The following NMI variants were observed in gnomAD, a reference collection of about 807,000 sequenced individuals.
NMI encodes N-myc and STAT interactor.
In NMI, 39 loss-of-function variants were observed where a neutral mutation model predicts 34.3. The observed-to-expected ratio is 1.14, with a 90% CI of 0.88 to 1.49. NMI has a LOEUF of 1.49. Among genes scored for constraint, NMI ranks in the 40% most tolerant of loss-of-function variants. NMI has a pLI of 0.00. For missense variants in NMI, 339 were observed against 358.1 expected (o/e 0.95, Z 0.43); for synonymous variants, 113 against 120.3 (o/e 0.94, Z 0.40).
intron 6 of NMI, among the ~76,000 whole-genome samples, chr2:151,274,074 G>A (rs570487621): frequency 3.0e-4 from 45 of 151,926 alleles, no homozygotes; most frequent in East Asian, 7.9e-4. Context: ...CAGGAGCGGC[G>A]GCTCATGCTT....
At chr2:151,271,210 G>A (rs1683179605) in intron 7 of NMI, among the ~76,000 whole-genome samples, 1 of 152,174 alleles carries the variant, frequency 6.6e-6, no homozygotes, top group Non-Finnish European at 1.5e-5. Flanking sequence ...TAGCTTTTAA[G>A]TTGGTGGAGT....
intron 6 of NMI, among the ~76,000 whole-genome samples, chr2:151,274,344 CAAAAAAAAAAAAAAAAAAA>C (rs773276443): frequency 9.1e-5 from 5 of 54,674 alleles, no homozygotes; most frequent in African/African-American, 3.5e-4. Context: ...CTCTGTCTCA[CAAAAAAAAAAAAAAAAAAA>C]AAAAAAAAAA....
At chr2:151,289,381 C>A (rs996382487) in intron 1 of NMI, among the ~76,000 whole-genome samples, 2 of 152,192 alleles carry the variant, frequency 1.3e-5, no homozygotes, top group Non-Finnish European at 2.9e-5. Flanking sequence ...CCAGAGACTG[C>A]ACAGCGGGCC....
chr2:151,280,210 T>C (rs201257065), intron 3 of NMI, among the ~76,000 whole-genome samples: 1 of 75,228 alleles, frequency 1.3e-5, no homozygotes, highest in Non-Finnish European at 2.9e-5. Context: ...AAAAAAATTG[T>C]AACCTGAAAG....
chr2:151,280,862 A>T (rs77624193), intron 3 of NMI, among the ~76,000 whole-genome samples: 1 of 119,736 alleles, frequency 8.4e-6, no homozygotes, highest in African/African-American at 3.3e-5. Flanking sequence ...TTTTTTTTTT[A>T]GGCGGCGCCT....
Position 151,275,594 on chromosome 2 carries a change from T to C in NMI, c.524A>G (p.Asp175Gly). 1 of 1,614,192 alleles carries C rather than the reference T, an allele frequency of 6.2e-7. No individual in the cohort carries two copies. The highest frequency in any genetic ancestry group is 8.5e-7 in the Non-Finnish European group (1 of 1,180,006). The change falls in exon 6 of 8, where the codon GAC becomes GGC. Residue 175 changes from aspartate (D) to glycine (G), a missense_variant. Asp to Gly is a moderately conservative substitution (Grantham distance 94, BLOSUM62 -1). Transcript: ENST00000243346. ...CTTTGAAAAGCTCAGCTCTAGTTTG[T>C]CTCTCATTTGATCTTCACGCAATGT... is the stretch of plus-strand genomic sequence containing the variant. ...PDTLREDQMRDKLELSFSKSR... is the reference protein window; with the variant it reads ...PDTLREDQMRGKLELSFSKSR...
Position 151,282,899 on chromosome 2 carries a change from G to T in NMI, c.50C>A (p.Pro17Gln). 1.3e-6 allele frequency: 2 copies of T among 1,529,650 alleles called. No individual in the cohort carries two copies. The highest frequency in any genetic ancestry group is 2.4e-5 in the East Asian group (1 of 42,342). The allele number at this position is 1,529,650 out of a possible 1,614,324, so 94.8% of individuals were successfully genotyped here. A position where few individuals can be genotyped will look rare whatever the true frequency, so the allele number is the denominator to read the frequency against. Reference sequence around the variant, plus strand: ...TTGTTCATCTTTTATAAATTCATCTGGCGAATGCTCCTTAAGAATTTGTTG... The same window carrying T: ...TTGTTCATCTTTTATAAATTCATCTTGCGAATGCTCCTTAAGAATTTGTTG... ...DTQQILKEHS[P>Q]DEFIKDEQNK... is the part of the protein sequence containing the mutation. The change falls in exon 2 of 8, where the codon CCA (proline) becomes CAA (glutamine). Residue 17 changes from proline to glutamine, a missense_variant. Coordinates refer to ENST00000243346, the MANE Select transcript of NMI (RefSeq NM_004688.3).
intron 1 of NMI, among the ~76,000 whole-genome samples, chr2:151,285,155 C>A (rs1174304705): frequency 6.6e-6 from 1 of 152,076 alleles, no homozygotes; most frequent in Non-Finnish European, 1.5e-5. Context: ...CATGGGGACC[C>A]AACTGAAAGG....
At chr2:151,277,053 A>C (rs1274967976) in intron 4 of NMI, among the ~76,000 whole-genome samples, 2 of 152,210 alleles carry the variant, frequency 1.3e-5, no homozygotes, top group African/African-American at 4.8e-5. Context: ...CTGCTATTCC[A>C]ATGTATCATG....
At chr2:151,275,919 T>C in intron 4 of NMI, 55 bp from the exon 5 acceptor site, 1 of 1,156,706 alleles carries the variant, frequency 8.6e-7, no homozygotes, top group Non-Finnish European at 1.2e-6. Context: ...AGAATTGTTA[T>C]GCTTTTGGTT....
intron 3 of NMI, 31 bp from the exon 4 acceptor site, chr2:151,279,021 CA>C: frequency 6.9e-7 from 1 of 1,458,626 alleles, no homozygotes; most frequent in African/African-American, 1.4e-5. Flanking sequence ...TGATTAAAAT[CA>C]AGACGAGAAA....
intron 6 of NMI, among the ~76,000 whole-genome samples, chr2:151,273,891 A>T (rs183904015): frequency 1.8e-4 from 27 of 152,324 alleles, no homozygotes; most frequent in African/African-American, 5.3e-4. Context: ...GAATTTGGCA[A>T]ATTAAAATCT....
Position 151,275,816 on chromosome 2 carries a change from T to A in NMI, c.389A>T (p.Asp130Val), listed in dbSNP as rs1683285353. ...CTTGGCCGTAACCTCCAGATTTACA[T>A]CTTTTATCTGTACATGATGTTTACT... Reference protein sequence around the residue: ...SMSKHHVQIKDVNLEVTAKPV... With the variant: ...SMSKHHVQIKVVNLEVTAKPV... Residue 130 changes from aspartate to valine, a missense_variant, in exon 5 of 8, where the codon GAT (aspartate) becomes GTT (valine). Physicochemically the swap from Asp to Val is radical, Grantham distance 152. Transcript: ENST00000243346. 6.2e-7 allele frequency: 1 copy of A among 1,613,430 alleles called. No homozygotes were observed. Among genetic ancestry groups the A allele is most frequent in the Non-Finnish European group, 8.5e-7 (1 of 1,179,634 alleles).
At chr2:151,279,958 G>A (rs1412067893) in intron 3 of NMI, among the ~76,000 whole-genome samples, 2 of 152,096 alleles carry the variant, frequency 1.3e-5, no homozygotes, top group East Asian at 1.9e-4. Context: ...CACTTTGGGA[G>A]GCCAAAGCAG....
chr2:151,278,182 T>C, intron 4 of NMI: 1 of 152,316 alleles, frequency 6.6e-6, no homozygotes, highest in East Asian at 1.9e-4. Context: ...CTGAGGTTTA[T>C]AAAGAACCTA....
chr2:151,278,527 A>G, intron 4 of NMI: 2 of 333,674 alleles, frequency 6.0e-6, no homozygotes, highest in Non-Finnish European at 5.7e-6. Flanking sequence ...TACTACCTTG[A>G]AATATTACTA....
intron 1 of NMI, among the ~76,000 whole-genome samples, chr2:151,285,842 G>T (rs529844435): frequency 3.9e-5 from 6 of 152,226 alleles, no homozygotes; most frequent in Admixed American, 6.5e-5. Flanking sequence ...ATCTTATGAT[G>T]CCAAAAAGCA....
chr2:151,271,862 C>G, intron 6 of NMI, 130 bp from the exon 7 acceptor site: 1 of 573,174 alleles, frequency 1.7e-6, no homozygotes, highest in South Asian at 2.2e-5. Flanking sequence ...TTAAGAAATT[C>G]TAAAGCCCAC....
chr2:151,280,195 C>CAAACAAAAAA (rs564398967), intron 3 of NMI, among the ~76,000 whole-genome samples: 2 of 136,358 alleles, frequency 1.5e-5, no homozygotes, highest in Non-Finnish European at 3.1e-5. Flanking sequence ...AACTCTGTTT[C>CAAACAAAAAA]AAAAAAAAAA....
Sources: gnomAD v4.1 joint callset for allele counts (sites outside exome capture counted in the v4.1 genomes callset) on GRCh38, gnomAD v4.1.1 for gene constraint, MANE v1.5 for transcripts, NCBI Gene and HGNC (gene_info 2026-07-23, HGNC 2026-07-21) for gene names.